Variants in MGST3 observed in about 807,000 individuals in gnomAD.
MGST3 encodes microsomal glutathione S-transferase 3.
MGST3 carries 13 observed loss-of-function variants against 15.8 expected under a neutral mutation model. The observed-to-expected ratio is 0.82, with a 90% CI of 0.54 to 1.31. The LOEUF (loss-of-function observed/expected upper bound fraction) is 1.31. Ranked by LOEUF, MGST3 falls within the 50% of genes most tolerant of loss-of-function variation. The pLI is 0.00. For missense variants in MGST3, 155 were observed against 192.4 expected (o/e 0.81, Z 1.15); for synonymous variants, 49 against 68.1 (o/e 0.72, Z 1.38).
chr1:165,633,027 T>C (rs530914485), intron 1 of MGST3, among the ~76,000 whole-genome samples: 1 of 152,324 alleles, frequency 6.6e-6, no homozygotes, highest in African/African-American at 2.4e-5. Context: ...AGAACACCAT[T>C]ACCGACCACA....
In MGST3 at chr1:165,631,310, G is replaced by A. The variant is rs765517116; in HGVS notation, c.-8+17G>A. Reference sequence around the variant, plus strand: ...GTGATCCAGGTGAGTGCTAGCACCTGCGGGCAGCCACGAGCACCGGGCCGC... The same window carrying A: ...GTGATCCAGGTGAGTGCTAGCACCTACGGGCAGCCACGAGCACCGGGCCGC... On this transcript the variant is annotated intron_variant, in intron 1 of 5. Coordinates refer to ENST00000367889, the MANE Select transcript of MGST3 (RefSeq NM_004528.4). 6.5e-6 allele frequency: 1 copy of A among 153,010 alleles called. No individual in the cohort carries two copies. The highest frequency in any genetic ancestry group is 1.5e-5 in the Non-Finnish European group (1 of 68,338). The allele number at this position is 153,010 out of a possible 1,614,324, so 9.5% of individuals were successfully genotyped here.
At chr1:165,654,150 G>A (rs559741640) in intron 4 of MGST3, 129 bp from the exon 5 acceptor site, 25 of 816,716 alleles carry the variant, frequency 3.1e-5, no homozygotes, top group African/African-American at 1.4e-4. Flanking sequence ...CCTAATTTGC[G>A]TGGGGAGTAG....
intron 4 of MGST3, 140 bp from the exon 5 acceptor site, chr1:165,654,139 A>G: frequency 1.3e-6 from 1 of 778,930 alleles, no homozygotes; most frequent in Non-Finnish European, 2.3e-6. Flanking sequence ...ACTTAATTCT[A>G]CCTAATTTGC....
Position 165,651,971 on chromosome 1 carries a change from A to T in MGST3, c.192-7A>T, listed in dbSNP as rs932905401. On this transcript the variant is annotated splice_region_variant and splice_polypyrimidine_tract_variant and intron_variant, in intron 3 of 5. Coordinates refer to ENST00000367889, the MANE Select transcript of MGST3 (RefSeq NM_004528.4). ...ACTTTTTAAAAGTTTCTTTCTGTCA[A>T]TTCCAGGTTGGAAGTGTATCCTCCC... 8.1e-6 allele frequency: 13 copies of T among 1,609,444 alleles called. No individual in the cohort carries two copies. In the Admixed American group the frequency reaches 1.7e-4, roughly 21 times the overall value.
chr1:165,631,914 C>A (rs566368745), intron 1 of MGST3: 13 of 285,442 alleles, frequency 4.6e-5, no homozygotes, highest in African/African-American at 2.3e-4. Context: ...GCAAGAGACG[C>A]CTCTAGGCGG....
intron 1 of MGST3, among the ~76,000 whole-genome samples, chr1:165,645,008 G>A (rs1648360049): frequency 6.6e-6 from 1 of 152,084 alleles, no homozygotes; most frequent in Non-Finnish European, 1.5e-5. Flanking sequence ...TGATCTGCTT[G>A]CCCTGGCGTC....
chr1:165,652,091 C>G, intron 4 of MGST3, 56 bp downstream of exon 4: 5 of 764,172 alleles, frequency 6.5e-6, no homozygotes, highest in Non-Finnish European at 9.5e-6. Flanking sequence ...GAGCTATTAT[C>G]AGGGACAGAA....
intron 1 of MGST3, among the ~76,000 whole-genome samples, chr1:165,643,084 T>TAA (rs1648302935): frequency 6.6e-6 from 1 of 152,242 alleles, no homozygotes; most frequent in Non-Finnish European, 1.5e-5. Flanking sequence ...CTTATGATTT[T>TAA]AATACTTTCT....
At chr1:165,641,419 T>G (rs956847168) in intron 1 of MGST3, among the ~76,000 whole-genome samples, 2 of 152,240 alleles carry the variant, frequency 1.3e-5, no homozygotes, top group Non-Finnish European at 2.9e-5. Flanking sequence ...GGAAACTCTA[T>G]TTTGCAATCT....
intron 2 of MGST3, 87 bp downstream of exon 2, chr1:165,650,051 G>A (rs2101723139): frequency 3.2e-6 from 5 of 1,586,320 alleles, no homozygotes; most frequent in Non-Finnish European, 4.3e-6. Flanking sequence ...CATGGAGGGA[G>A]AGGCAAGGAG....
At chr1:165,654,548 G>T (rs4147608) in intron 5 of MGST3, among the ~76,000 whole-genome samples, 197 bp downstream of exon 5, 1 of 151,768 alleles carries the variant, frequency 6.6e-6, no homozygotes, top group Non-Finnish European at 1.5e-5. Context: ...AAAATTAGCC[G>T]GATGTGGTGG....
At chr1:165,649,694 C>A in intron 1 of MGST3, 147 bp from the exon 2 acceptor site, 1 of 911,714 alleles carries the variant, frequency 1.1e-6, no homozygotes, top group Non-Finnish European at 1.7e-6. Context: ...TCTTTGATGA[C>A]TTCTCAGAAA....
At chr1:165,652,935 G>T (rs185266439) in intron 4 of MGST3, among the ~76,000 whole-genome samples, 3 of 152,298 alleles carry the variant, frequency 2.0e-5, no homozygotes, top group Non-Finnish European at 4.4e-5. Context: ...AGACAGAAGT[G>T]TTCCCCTTTT....
rs1417326805 is a variant in MGST3, at chr1:165,651,924, C to T, written c.192-54C>T. 4.3e-5 allele frequency: 32 copies of T among 741,752 alleles called. No individual in the cohort carries two copies. In the East Asian group the frequency reaches 1.0e-3, roughly 24 times the overall value. The allele number at this position is 741,752 out of a possible 1,614,324, so 45.9% of individuals were successfully genotyped here. On this transcript the variant is annotated intron_variant, in intron 3 of 5. Coordinates refer to ENST00000367889, the MANE Select transcript of MGST3 (RefSeq NM_004528.4). ...AAAAAAAAAAAAATTCATAATTCTA[C>T]ACAGGCATACTTAAAAAGGGCACTT...
At chr1:165,649,435 ACTCC>A (rs1388953462) in intron 1 of MGST3, 2 of 111,496 alleles carry the variant, frequency 1.8e-5, no homozygotes, top group South Asian at 3.2e-4. Context: ...TGCTCCTCTC[ACTCC>A]CTCCCTCCCC....
At chr1:165,644,201 T>G (rs988242285) in intron 1 of MGST3, among the ~76,000 whole-genome samples, 1 of 152,166 alleles carries the variant, frequency 6.6e-6, no homozygotes, top group Non-Finnish European at 1.5e-5. Flanking sequence ...TTCTGAGAAA[T>G]GTGTTAGGTG....
At chr1:165,631,547 C>A (rs1197550792) in intron 1 of MGST3, among the ~76,000 whole-genome samples, 1 of 152,178 alleles carries the variant, frequency 6.6e-6, no homozygotes, top group East Asian at 1.9e-4. Flanking sequence ...ATGTGTAACT[C>A]AGGAAAATTC....
intron 1 of MGST3, among the ~76,000 whole-genome samples, chr1:165,632,734 C>G (rs1050090497): frequency 6.6e-6 from 1 of 152,054 alleles, no homozygotes; most frequent in East Asian, 1.9e-4. Flanking sequence ...AGAAGGGCAG[C>G]CTTCCGCTTT....
At chr1:165,649,705 C>T (rs1416118908) in intron 1 of MGST3, 136 bp from the exon 2 acceptor site, 3 of 1,005,548 alleles carry the variant, frequency 3.0e-6, no homozygotes, top group African/African-American at 3.2e-5. Context: ...TTCTCAGAAA[C>T]ATCAGATTGA....
Sources: gnomAD v4.1 joint callset for allele counts (sites outside exome capture counted in the v4.1 genomes callset) on GRCh38, gnomAD v4.1.1 for gene constraint, MANE v1.5 for transcripts, NCBI Gene and HGNC (gene_info 2026-07-23, HGNC 2026-07-21) for gene names.